Variants in GAS7 observed in about 807,000 individuals in gnomAD.
The protein encoded by GAS7 is growth arrest-specific protein 7.
GAS7 carries 28 observed loss-of-function variants against 71.1 expected under a neutral mutation model. The ratio of observed to expected loss-of-function variants is 0.39; its 90% CI spans 0.29 to 0.54. The LOEUF (loss-of-function observed/expected upper bound fraction) is 0.54, where lower values mean the gene tolerates loss of function less well. Among genes scored for constraint, GAS7 ranks in the 20% least tolerant of loss-of-function variants. The probability of loss-of-function intolerance (pLI) is 0.62; values close to 1 mark genes in which losing one functional copy is unlikely to be tolerated. For synonymous variants in GAS7, 258 were observed against 245.8 expected (o/e 1.05, Z -0.46); for missense variants, 436 against 627.8 (o/e 0.69, Z 3.27).
rs548281310 is a variant in GAS7, at chr17:10,181,873, C to T, written c.183+16335G>A. Reference sequence around the variant, plus strand: ...AACCAAGATGGCAGCCAGAGGCTACCGCTGGTCATCCTCACTGCTCATTAT... The same window carrying T: ...AACCAAGATGGCAGCCAGAGGCTACTGCTGGTCATCCTCACTGCTCATTAT... On this transcript the variant is annotated intron_variant, in intron 1 of 13. Coordinates refer to ENST00000432992, the MANE Select transcript of GAS7 (RefSeq NM_201433.2). Among the ~76,000 whole-genome samples the T allele has an allele frequency of 1.4e-3, 210 of 152,248 alleles. 2 individuals carry two copies. The highest frequency in any genetic ancestry group is 4.7e-3 in the African/African-American group (194 of 41,544).
At position 9,913,949 on chromosome 17, in the gene GAS7, G is replaced by C. The variant is rs530297227; in HGVS notation, c.*3279C>G. ...TCAGAAATGGAAGGGACATTCTCAA[G>C]AATAGCCCAGACCCGCCCACTTTGA... On this transcript the variant is annotated 3_prime_UTR_variant, in exon 14 of 14. Coordinates refer to ENST00000432992, the MANE Select transcript of GAS7 (RefSeq NM_201433.2). The C allele has an allele frequency of 4.3e-6, 1 of 232,162 alleles. No homozygotes were observed. The highest frequency in any genetic ancestry group is 6.1e-5 in the East Asian group (1 of 16,438). 14.4% of individuals were successfully genotyped at this position (232,162 alleles called of 1,614,324 possible). A position where few individuals can be genotyped will look rare whatever the true frequency, so the allele number is the denominator to read the frequency against.
intron 1 of GAS7, among the ~76,000 whole-genome samples, chr17:10,137,820 C>T (rs1201377398): frequency 2.6e-5 from 4 of 152,028 alleles, no homozygotes; most frequent in Non-Finnish European, 5.9e-5. Flanking sequence ...GGATTACAAG[C>T]GTGAGCTACC....
intron 3 of GAS7, among the ~76,000 whole-genome samples, chr17:9,973,339 C>A (rs565391639): frequency 6.6e-6 from 1 of 151,826 alleles, no homozygotes; most frequent in Non-Finnish European, 1.5e-5. Context: ...CTGCGACCTC[C>A]GCCTCCCGGG....
At chr17:10,082,560 GC>G (rs2073469298) in intron 1 of GAS7, among the ~76,000 whole-genome samples, 4 of 152,350 alleles carry the variant, frequency 2.6e-5, no homozygotes, top group Admixed American at 2.6e-4. Flanking sequence ...GGAAATTGAA[GC>G]AGTGACTTCG....
intron 1 of GAS7, among the ~76,000 whole-genome samples, chr17:10,165,922 G>A (rs1371267787): frequency 5.3e-5 from 8 of 152,130 alleles, no homozygotes; most frequent in African/African-American, 1.9e-4. Context: ...TATTACACAG[G>A]AAGGTCATTC....
intron 1 of GAS7, among the ~76,000 whole-genome samples, chr17:10,032,931 C>T (rs1380914288): frequency 1.8e-4 from 28 of 152,164 alleles, no homozygotes; most frequent in Admixed American, 1.7e-3. Context: ...GCCCAAATCA[C>T]GGTATGCGAT....
chr17:10,118,393 C>A (rs1038624518), intron 1 of GAS7, among the ~76,000 whole-genome samples: 17 of 152,112 alleles, frequency 1.1e-4, no homozygotes, highest in African/African-American at 4.1e-4. Context: ...TGGGGGCCCT[C>A]ACTGCCCTGC....
intron 2 of GAS7, among the ~76,000 whole-genome samples, chr17:10,019,208 G>A (rs943906630): frequency 6.3e-4 from 96 of 152,194 alleles, no homozygotes; most frequent in African/African-American, 2.2e-3. Flanking sequence ...CATGGAACCT[G>A]TACTATTTGA....
At chr17:10,043,250 C>G (rs1263003849) in intron 1 of GAS7, among the ~76,000 whole-genome samples, 1 of 152,162 alleles carries the variant, frequency 6.6e-6, no homozygotes, top group African/African-American at 2.4e-5. Context: ...CTTTCAAAGG[C>G]AAGAACCAGG....
chr17:10,065,352 C>T (rs781264247), intron 1 of GAS7, among the ~76,000 whole-genome samples: 1 of 152,212 alleles, frequency 6.6e-6, no homozygotes, highest in Non-Finnish European at 1.5e-5. Flanking sequence ...GAAATGTATT[C>T]TCTCACAGTT....
intron 1 of GAS7, among the ~76,000 whole-genome samples, chr17:10,160,981 C>T (rs1429130398): frequency 6.7e-6 from 1 of 150,048 alleles, no homozygotes; most frequent in East Asian, 2.0e-4. Flanking sequence ...CACACACAGA[C>T]GAAGGCATGG....
At chr17:10,142,706 T>C (rs1457907960) in intron 1 of GAS7, among the ~76,000 whole-genome samples, 1 of 152,070 alleles carries the variant, frequency 6.6e-6, no homozygotes, top group Non-Finnish European at 1.5e-5. Flanking sequence ...CTAAAACCAA[T>C]CATAACTCTT....
rs1410636878 is a variant in GAS7, at chr17:10,167,487, AG to A, written c.183+30720del. Among the ~76,000 whole-genome samples the A allele has an allele frequency of 2.6e-5, 4 of 152,164 alleles. No individual in the cohort carries two copies. In the East Asian group the frequency reaches 7.7e-4, roughly 29 times the overall value. ...TAAGGAGAGAATGGGCTGGGCTGTA[AG>A]GGCCGGTTACTGAGCCTGGGGTGAG... On this transcript the variant is annotated intron_variant, in intron 1 of 13. Coordinates refer to ENST00000432992, the MANE Select transcript of GAS7 (RefSeq NM_201433.2).
intron 1 of GAS7, among the ~76,000 whole-genome samples, chr17:10,194,701 C>T (rs1390583163): frequency 1.3e-5 from 2 of 152,192 alleles, no homozygotes; most frequent in African/African-American, 4.8e-5. Flanking sequence ...CGGCCGGGCA[C>T]AGTGGCTCAC....
rs1251664768 is a variant in GAS7 at position 10,092,556 on chromosome 17, GGTGAGCGTTCAA to G, written c.184-72671_184-72660del. On this transcript the variant is annotated intron_variant, in intron 1 of 13. Coordinates refer to ENST00000432992, the MANE Select transcript of GAS7 (RefSeq NM_201433.2). ...TTTTTCCCCAAGGGACATCTTGGCA[GGTGAGCGTTCAA>G]CAGGTTGACTTTGACAAGTGCTTGC... is the stretch of plus-strand genomic sequence containing the variant. 2.0e-5 allele frequency among the ~76,000 whole-genome samples: 3 copies of G among 152,336 alleles called. No individual in the cohort carries two copies. The East Asian group carries it at 5.8e-4, about 29-fold the overall frequency.
At chr17:10,162,976 A>C (rs1252824838) in intron 1 of GAS7, among the ~76,000 whole-genome samples, 3 of 152,216 alleles carry the variant, frequency 2.0e-5, no homozygotes, top group Admixed American at 6.5e-5. Context: ...TAGACTTCCA[A>C]TGGTTAAGAT....
At position 10,198,334 on chromosome 17, in the gene GAS7, CT is replaced by C; in HGVS notation, c.56del (p.Gln19ArgfsTer10). On this transcript the variant is annotated frameshift_variant, in exon 1 of 14. Coordinates refer to ENST00000432992, the MANE Select transcript of GAS7 (RefSeq NM_201433.2). LOFTEE classifies it high-confidence loss of function. ...GCTCGCCCGCGGCGAAGCGCAGCCC[CT>C]GGCCGTGCCGCTCCCCGGAGAAGGG... The part of the protein sequence containing the change: ...LYPFSGERHG[Q>X]GLRFAAGELI... 1 of 1,600,122 alleles carries C rather than the reference CT, an allele frequency of 6.2e-7. No individual in the cohort carries two copies. The highest frequency in any genetic ancestry group is 8.5e-7 in the Non-Finnish European group (1 of 1,178,966).
intron 1 of GAS7, among the ~76,000 whole-genome samples, chr17:10,139,759 G>A (rs776548173): frequency 1.2e-4 from 18 of 152,180 alleles, no homozygotes; most frequent in African/African-American, 2.2e-4. Flanking sequence ...GATATGGTGC[G>A]GGAAAGGGAA....
chr17:9,979,666 G>A (rs1045774395), intron 3 of GAS7, among the ~76,000 whole-genome samples: 14 of 152,084 alleles, frequency 9.2e-5, no homozygotes, highest in South Asian at 4.1e-4. Flanking sequence ...CCTCACCAAC[G>A]GGGCAGGCTG....
Sources: allele counts gnomAD v4.1 joint callset (sites outside exome capture counted in the v4.1 genomes callset), GRCh38; gene constraint gnomAD v4.1.1; transcripts MANE v1.5; gene names NCBI Gene and HGNC (gene_info 2026-07-23, HGNC 2026-07-21).